CTNNA2: variants seen among roughly 807,000 people sequenced by gnomAD.
CTNNA2 encodes the protein catenin alpha-2.
CTNNA2 carries 42 observed loss-of-function variants against 101.0 expected under a neutral mutation model. The ratio of observed to expected loss-of-function variants is 0.42; its 90% confidence interval spans 0.32 to 0.54. The LOEUF (loss-of-function observed/expected upper bound fraction) is 0.54. Ranked by LOEUF, CTNNA2 falls within the 20% of genes least tolerant of loss-of-function variation. CTNNA2 has a pLI of 0.14. For missense variants in CTNNA2, 871 were observed against 1,223.1 expected, an observed-to-expected ratio of 0.71 and a Z score of 4.29; for synonymous variants, 450 against 456.4, an observed-to-expected ratio of 0.99 and a Z score of 0.18.
chr2:80,518,964 T>C (rs148225742), intron 9 of CTNNA2, among the ~76,000 whole-genome samples: 66 of 132,548 alleles, frequency 5.0e-4, no homozygotes, highest in Non-Finnish European at 7.2e-4. Flanking sequence ...ATAATTTACT[T>C]ACTAACACAT....
chr2:80,522,658 C>T (rs1273412865), intron 9 of CTNNA2, among the ~76,000 whole-genome samples: 3 of 151,936 alleles, frequency 2.0e-5, no homozygotes, highest in African/African-American at 4.8e-5. Flanking sequence ...TTAGTACCAT[C>T]CCCTTAGTGC....
chr2:79,943,924 T>C (rs1406074104), intron 7 of CTNNA2, among the ~76,000 whole-genome samples: 1 of 152,222 alleles, frequency 6.6e-6, no homozygotes, highest in Non-Finnish European at 1.5e-5. Context: ...GTGTTAGTTC[T>C]AGTATAATCC....
intron 2 of CTNNA2, among the ~76,000 whole-genome samples, chr2:79,276,251 T>C (rs1675210160): frequency 2.6e-5 from 4 of 152,118 alleles, no homozygotes; most frequent in Admixed American, 6.6e-5. Context: ...GTCCTCTGCA[T>C]TCTTGCTTAT....
intron 1 of CTNNA2, among the ~76,000 whole-genome samples, chr2:79,520,584 G>C (rs1191268536): frequency 2.0e-5 from 3 of 152,134 alleles, no homozygotes; most frequent in South Asian, 2.1e-4. Context: ...GTCTCTCTCT[G>C]TATGTTTGAC....
At chr2:80,471,337 A>C (rs1685288853) in intron 9 of CTNNA2, among the ~76,000 whole-genome samples, 1 of 152,230 alleles carries the variant, frequency 6.6e-6, no homozygotes, top group Non-Finnish European at 1.5e-5. Flanking sequence ...TAAATCTTAA[A>C]GACTGGAACT....
chr2:80,406,589 G>C (rs1400251449), intron 8 of CTNNA2, among the ~76,000 whole-genome samples: 1 of 152,142 alleles, frequency 6.6e-6, no homozygotes, highest in East Asian at 1.9e-4. Context: ...CACTTTGGGA[G>C]GCCGAGGCAG....
At chr2:79,216,795 G>T (rs2104212398) in intron 2 of CTNNA2, among the ~76,000 whole-genome samples, 1 of 152,070 alleles carries the variant, frequency 6.6e-6, no homozygotes, top group African/African-American at 2.4e-5. Flanking sequence ...CAGAGAAGGG[G>T]TAGAGACATG....
At chr2:79,431,030 T>C (rs184689737) in intron 4 of CTNNA2, among the ~76,000 whole-genome samples, 146 of 152,264 alleles carry the variant, frequency 9.6e-4, no homozygotes, top group African/African-American at 3.3e-3. Context: ...AATGAGGTTG[T>C]TACCAGCACT....
chr2:80,194,897 T>C (rs1706739479), intron 7 of CTNNA2, among the ~76,000 whole-genome samples: 1 of 151,882 alleles, frequency 6.6e-6, no homozygotes, highest in Non-Finnish European at 1.5e-5. Context: ...TTTAGATTCC[T>C]GCTTTGAAGA....
At chr2:79,786,501 T>C (rs899486607) in intron 3 of CTNNA2, among the ~76,000 whole-genome samples, 1 of 147,892 alleles carries the variant, frequency 6.8e-6, no homozygotes, top group Non-Finnish European at 1.5e-5. Flanking sequence ...TTTTTTTTCT[T>C]TTTTGGATGT....
At chr2:79,510,823 T>C (rs1671518889), upstream of CTNNA2, among the ~76,000 whole-genome samples, 1 of 152,258 alleles carries the variant, frequency 6.6e-6, no homozygotes, top group African/African-American at 2.4e-5. Context: ...CTCGATAATA[T>C]TCTACAGTTT....
intron 7 of CTNNA2, among the ~76,000 whole-genome samples, chr2:79,995,128 T>C (rs1268397234): frequency 6.6e-6 from 1 of 152,210 alleles, no homozygotes; most frequent in Non-Finnish European, 1.5e-5. Context: ...ATCTGGAGGC[T>C]GAGTCAGTTC....
chr2:79,288,493 G>T (rs1675689259), intron 2 of CTNNA2, among the ~76,000 whole-genome samples: 1 of 152,192 alleles, frequency 6.6e-6, no homozygotes, highest in Non-Finnish European at 1.5e-5. Flanking sequence ...TGGAAGATTT[G>T]ACTGAGTTGG....
Position 80,240,986 on chromosome 2 carries a change from C to T in CTNNA2, c.1057-152225C>T, listed in dbSNP as rs145515245. On this transcript the variant is annotated intron_variant, in intron 7 of 18. Transcript: ENST00000402739. ...GGTCCATGAATGCCCTTCCCACTGC[C>T]CTAAATTCCCTGAGTTCAATTGACA... is the stretch of plus-strand genomic sequence containing the variant. 2.3e-3 allele frequency among the ~76,000 whole-genome samples: 352 copies of T among 152,150 alleles called. 1 individual carries two copies. The highest frequency in any genetic ancestry group is 0.018 in the South Asian group (89 of 4,812).
chr2:79,477,168 C>CTTTTTTTTTTTT (rs5832392), intron 4 of CTNNA2, among the ~76,000 whole-genome samples: 15 of 123,146 alleles, frequency 1.2e-4, no homozygotes, highest in Non-Finnish European at 1.5e-4. Context: ...TCTTTTTTTT[C>CTTTTTTTTTTTT]TTTTTTTTTT....
intron 2 of CTNNA2, among the ~76,000 whole-genome samples, chr2:79,671,363 A>C (rs887773115): frequency 2.6e-5 from 4 of 152,194 alleles, no homozygotes; most frequent in African/African-American, 7.2e-5. Flanking sequence ...CAAGTTCCTG[A>C]GTACTTTTTC....
intron 7 of CTNNA2, among the ~76,000 whole-genome samples, chr2:80,139,390 T>C (rs1702872556): frequency 6.6e-6 from 1 of 152,186 alleles, no homozygotes; most frequent in Admixed American, 6.6e-5. Context: ...TGCTCTGTTG[T>C]CTCTGCTCCC....
At chr2:79,829,420 CAA>C (rs1444112315) in intron 3 of CTNNA2, among the ~76,000 whole-genome samples, 84 of 144,066 alleles carry the variant, frequency 5.8e-4, no homozygotes, top group East Asian at 1.9e-3. Context: ...CACACAGACA[CAA>C]AGCCGGGCGA....
At chr2:80,545,705 T>C (rs1289829586) in intron 10 of CTNNA2, among the ~76,000 whole-genome samples, 1 of 152,234 alleles carries the variant, frequency 6.6e-6, no homozygotes, top group Non-Finnish European at 1.5e-5. Flanking sequence ...CAAACTATTA[T>C]GTCTTAAAAA....
Sources: allele counts gnomAD v4.1 joint callset (sites outside exome capture counted in the v4.1 genomes callset), GRCh38; gene constraint gnomAD v4.1.1; transcripts MANE v1.5; gene names NCBI Gene and HGNC (gene_info 2026-07-23, HGNC 2026-07-21).